The following CDKAL1 variants were observed in gnomAD, a reference collection of about 807,000 sequenced individuals.
CDKAL1 encodes threonylcarbamoyladenosine tRNA methylthiotransferase.
In CDKAL1, 32 loss-of-function variants were observed where a neutral mutation model predicts 68.2. The observed-to-expected ratio is 0.47, with a 90% CI of 0.35 to 0.63. The LOEUF (loss-of-function observed/expected upper bound fraction) is 0.63, where lower values mean the gene tolerates loss of function less well. Among genes scored for constraint, CDKAL1 ranks in the 30% least tolerant of loss-of-function variants. The pLI, the probability that CDKAL1 is intolerant of heterozygous loss-of-function variation, is 0.00. For synonymous variants in CDKAL1, 234 were observed against 244.3 expected (o/e 0.96, Z 0.39); for missense variants, 606 against 696.7 (o/e 0.87, Z 1.47).
intron 5 of CDKAL1, among the ~76,000 whole-genome samples, chr6:20,735,051 A>C (rs563892035): frequency 6.6e-6 from 1 of 151,308 alleles, no homozygotes; most frequent in African/African-American, 2.4e-5. Context: ...TTGTATTTTT[A>C]GTAGAGATGG....
chr6:21,179,638 T>C (rs758233625), intron 13 of CDKAL1, among the ~76,000 whole-genome samples: 3 of 152,248 alleles, frequency 2.0e-5, no homozygotes, highest in African/African-American at 4.8e-5. Context: ...TAAGCTGTTA[T>C]TACCTTCCTA....
chr6:20,720,273 TA>T (rs996720477), intron 5 of CDKAL1, among the ~76,000 whole-genome samples: 1 of 151,714 alleles, frequency 6.6e-6, no homozygotes, highest in African/African-American at 2.4e-5. Context: ...CCTTTTTCTT[TA>T]AAAAAAAATT....
chr6:20,892,728 A>T (rs1308118126), intron 9 of CDKAL1, among the ~76,000 whole-genome samples: 1 of 152,194 alleles, frequency 6.6e-6, no homozygotes, highest in Non-Finnish European at 1.5e-5. Context: ...TATTTACCTC[A>T]TATTAACTAT....
chr6:21,176,394 G>A (rs937341492), intron 13 of CDKAL1, among the ~76,000 whole-genome samples: 1 of 152,266 alleles, frequency 6.6e-6, no homozygotes, highest in Non-Finnish European at 1.5e-5. Flanking sequence ...TCACAAAGAA[G>A]TGAACAGACT....
At chr6:21,092,219 C>A (rs1319229837) in intron 12 of CDKAL1, among the ~76,000 whole-genome samples, 1 of 58,766 alleles carries the variant, frequency 1.7e-5, no homozygotes, top group Non-Finnish European at 3.3e-5. Context: ...TTTTTTTTTT[C>A]TGGGTCGGGG....
At chr6:20,790,643 C>T (rs150559624) in intron 8 of CDKAL1, among the ~76,000 whole-genome samples, 9 of 152,272 alleles carry the variant, frequency 5.9e-5, no homozygotes, top group Admixed American at 4.6e-4. Flanking sequence ...CTATAGCATT[C>T]GGTGGTTCCC....
chr6:21,049,660 T>G, intron 11 of CDKAL1, among the ~76,000 whole-genome samples: 1 of 152,194 alleles, frequency 6.6e-6, no homozygotes, highest in East Asian at 1.9e-4. Flanking sequence ...ATAAAAAACT[T>G]ATTTAACATG....
In CDKAL1 at chr6:20,921,600, G is replaced by A. The variant is rs1032022394; in HGVS notation, c.743-33819G>A. Among the ~76,000 whole-genome samples, 64 of 152,170 alleles carry A rather than the reference G, an allele frequency of 4.2e-4. 3 individuals carry two copies. The highest frequency in any genetic ancestry group is 1.5e-5 in the Non-Finnish European group (1 of 68,032). Reference sequence around the variant, plus strand: ...TACCTATTCCCAACCTCATCTCAGTGTCTAAGTAGAATGGTCCTGTGGTGC... The same window carrying A: ...TACCTATTCCCAACCTCATCTCAGTATCTAAGTAGAATGGTCCTGTGGTGC... On this transcript the variant is annotated intron_variant, in intron 9 of 15. Transcript: ENST00000274695.
At chr6:20,692,989 G>A (rs1581394386) in intron 5 of CDKAL1, among the ~76,000 whole-genome samples, 1 of 151,884 alleles carries the variant, frequency 6.6e-6, no homozygotes, top group Non-Finnish European at 1.5e-5. Context: ...AATTAGCCGG[G>A]CATGGTGGCA....
In CDKAL1 at chr6:20,609,276, C is replaced by CCTTCTT. The variant is rs1554162631; in HGVS notation, c.287-40015_287-40014insTCTTCT. On this transcript the variant is annotated intron_variant, in intron 4 of 15. Transcript: ENST00000274695. ...TTCCTCCTTCCTTCCTCCTCCTTCT[C>CCTTCTT]CTCCTTCTCCTTCTTCTCCTTCTCC... Among the ~76,000 whole-genome samples, 396 of 131,746 alleles carry CCTTCTT rather than the reference C, an allele frequency of 3.0e-3. 1 individual carries two copies. Among genetic ancestry groups the CCTTCTT allele is most frequent in the Admixed American group, 4.5e-3 (58 of 12,818 alleles). The allele number at this position is 131,746 out of a possible 152,430, so 86.4% of individuals were successfully genotyped here.
rs540471098 is a variant in CDKAL1 at position 20,730,816 on chromosome 6, C to T, written c.372-8703C>T. Among the ~76,000 whole-genome samples, 31 of 139,320 alleles carry T rather than the reference C, an allele frequency of 2.2e-4. No homozygotes were observed. The Admixed American group carries it at 2.4e-3, about 11-fold the overall frequency. 91.4% of individuals were successfully genotyped at this position (139,320 alleles called of 152,430 possible). A position where few individuals can be genotyped will look rare whatever the true frequency, so the allele number is the denominator to read the frequency against. ...CTGAGATCACACCACTGCACTCCAG[C>T]TGGGGCTAAGAAGCAAGACTCCGTC... On this transcript the variant is annotated intron_variant, in intron 5 of 15. Coordinates refer to ENST00000274695, the MANE Select transcript of CDKAL1 (RefSeq NM_017774.3).
At chr6:20,999,132 A>T (rs945782548) in intron 10 of CDKAL1, among the ~76,000 whole-genome samples, 1 of 152,222 alleles carries the variant, frequency 6.6e-6, no homozygotes, top group Non-Finnish European at 1.5e-5. Flanking sequence ...GAATCACTGG[A>T]CACATGCAAC....
intron 15 of CDKAL1, among the ~76,000 whole-genome samples, chr6:21,217,483 TTTTA>T (rs558415109): frequency 1.6e-4 from 22 of 140,864 alleles, no homozygotes; most frequent in Middle Eastern, 7.6e-3. Context: ...TATTTTTTAT[TTTTA>T]TTTATTTATT....
intron 11 of CDKAL1, among the ~76,000 whole-genome samples, chr6:21,048,838 A>G (rs1770388569): frequency 6.6e-6 from 1 of 152,026 alleles, no homozygotes; most frequent in African/African-American, 2.4e-5. Flanking sequence ...TTAATTTTAA[A>G]AGATTTAAGA....
intron 11 of CDKAL1, among the ~76,000 whole-genome samples, chr6:21,044,096 G>A (rs1184570780): frequency 6.6e-6 from 1 of 152,186 alleles, no homozygotes; most frequent in Non-Finnish European, 1.5e-5. Context: ...GTTATACCAT[G>A]TTGTACCCAA....
intron 13 of CDKAL1, among the ~76,000 whole-genome samples, chr6:21,128,808 G>T (rs1775144278): frequency 6.6e-6 from 1 of 152,192 alleles, no homozygotes; most frequent in South Asian, 2.1e-4. Context: ...ACCTTGCTTA[G>T]GGCAAATCTC....
chr6:20,831,522 T>C (rs1342777270), intron 8 of CDKAL1, among the ~76,000 whole-genome samples: 1 of 152,146 alleles, frequency 6.6e-6, no homozygotes, highest in Admixed American at 6.5e-5. Context: ...TTCTCAGATG[T>C]AGTGGTTTCA....
At chr6:21,106,706 A>T (rs1013773356) in intron 12 of CDKAL1, among the ~76,000 whole-genome samples, 1 of 152,196 alleles carries the variant, frequency 6.6e-6, no homozygotes, top group Non-Finnish European at 1.5e-5. Flanking sequence ...ATACGGGAGG[A>T]TGTGTATAGG....
At chr6:20,651,185 A>G (rs1241930039) in intron 5 of CDKAL1, among the ~76,000 whole-genome samples, 3 of 152,178 alleles carry the variant, frequency 2.0e-5, no homozygotes, top group Admixed American at 2.0e-4. Context: ...CCTATCCATG[A>G]GCATGGAATG....
Sources: allele counts gnomAD v4.1 joint callset (sites outside exome capture counted in the v4.1 genomes callset), GRCh38; gene constraint gnomAD v4.1.1; transcripts MANE v1.5; gene names NCBI Gene and HGNC (gene_info 2026-07-23, HGNC 2026-07-21).